Variants in LTA4H observed in about 807,000 individuals in gnomAD.
The protein encoded by LTA4H is leukotriene A4 hydrolase.
Under a neutral mutation model 89.8 loss-of-function variants are expected in LTA4H, and 59 were observed. The ratio of observed to expected loss-of-function variants is 0.66; its 90% CI spans 0.53 to 0.82. The LOEUF (loss-of-function observed/expected upper bound fraction) is 0.82. Among genes scored for constraint, LTA4H ranks in the 40% least tolerant of loss-of-function variants. The pLI, the probability that LTA4H is intolerant of heterozygous loss-of-function variation, is 0.00. For missense variants in LTA4H, 617 were observed against 727.0 expected (o/e 0.85, Z 1.74); for synonymous variants, 227 against 253.1 (o/e 0.90, Z 0.98).
intron 8 of LTA4H, among the ~76,000 whole-genome samples, 157 bp from the exon 9 acceptor site, chr12:96,017,737 CA>C (rs1429473782): frequency 1.3e-5 from 2 of 151,594 alleles, no homozygotes; most frequent in East Asian, 1.9e-4. Context: ...ATTGAAAAAA[CA>C]AAAAAAATAC....
intron 8 of LTA4H, among the ~76,000 whole-genome samples, chr12:96,018,178 G>T (rs763878226): frequency 1.3e-4 from 19 of 151,960 alleles, no homozygotes; most frequent in Non-Finnish European, 2.5e-4. Context: ...TTGTTACACA[G>T]CACCCCCATG....
chr12:96,009,890 A>C (rs1365813796), intron 14 of LTA4H: 1 of 152,216 alleles, frequency 6.6e-6, no homozygotes, highest in East Asian at 1.9e-4. Context: ...AAATGAAGTA[A>C]GTTTTGATTA....
chr12:96,041,172 AATATT>A (rs1484137754), intron 1 of LTA4H, among the ~76,000 whole-genome samples: 2 of 152,098 alleles, frequency 1.3e-5, no homozygotes, highest in Admixed American at 6.6e-5. Flanking sequence ...AGTATATTAT[AATATT>A]ATATTTGTAT....
chr12:96,001,589 TTAATCAAGATTTTAA>T (rs1950104495), intron 18 of LTA4H, among the ~76,000 whole-genome samples: 1 of 152,186 alleles, frequency 6.6e-6, no homozygotes, highest in Non-Finnish European at 1.5e-5. Context: ...AAAAAATTTT[TTAATCAAGATTTTAA>T]GAGTATGAAA....
At chr12:96,038,436 A>G (rs1349972651), upstream of LTA4H, among the ~76,000 whole-genome samples, 1 of 152,160 alleles carries the variant, frequency 6.6e-6, no homozygotes, top group Non-Finnish European at 1.5e-5. Flanking sequence ...GGCTGGATAC[A>G]GTGGCATGAT....
Position 96,035,573 on chromosome 12 carries a change from G to A in LTA4H, c.-54C>T. The A allele has an allele frequency of 5.9e-6, 9 of 1,538,386 alleles. No individual in the cohort carries two copies. Among genetic ancestry groups the A allele is most frequent in the Non-Finnish European group, 7.9e-6 (9 of 1,133,956 alleles). ...CCTACAGCCCAACGCTCAGCTACCA[G>A]ACTCGTCGATAGAGAACCTGAGGAG... On this transcript the variant is annotated 5_prime_UTR_variant, in exon 1 of 19. Coordinates refer to ENST00000228740, the MANE Select transcript of LTA4H (RefSeq NM_000895.3).
intron 17 of LTA4H, 84 bp from the exon 18 acceptor site, chr12:96,003,148 T>A: frequency 1.2e-6 from 1 of 831,908 alleles, no homozygotes; most frequent in Non-Finnish European, 2.0e-6. Context: ...ATTACTTCTG[T>A]AGTGATATGA....
chr12:96,028,217 A>G (rs1439061477), intron 2 of LTA4H, among the ~76,000 whole-genome samples: 1 of 152,198 alleles, frequency 6.6e-6, no homozygotes, highest in Non-Finnish European at 1.5e-5. Flanking sequence ...GCAGAGGTTT[A>G]GAGACCAGCA....
rs1168736247 is a variant in LTA4H, at chr12:96,034,529, G to T, written c.159+832C>A. Among the ~76,000 whole-genome samples, 4 of 152,150 alleles carry T rather than the reference G, an allele frequency of 2.6e-5. 1 individual carries two copies. The highest frequency in any genetic ancestry group is 1.5e-5 in the Non-Finnish European group (1 of 68,022). ...CTCCTTGGAACCAACTATTAAAAAA[G>T]CGTATTGAATCATCCTTAGAAAATT... On this transcript the variant is annotated intron_variant, in intron 1 of 18. Coordinates refer to ENST00000228740, the MANE Select transcript of LTA4H (RefSeq NM_000895.3).
Position 96,022,035 on chromosome 12 carries a change from G to A in LTA4H, c.585+112C>T. On this transcript the variant is annotated intron_variant, in intron 5 of 18. Transcript: ENST00000228740. This position sits in a 1 kb window ranked among gnomAD's most constrained non-coding sequence, Gnocchi z 4.0. ...AAAATGAAGAAAACAAAAACCAAAA[G>A]CTGTTCTCAAAATTCTGAAATATTT... 3.0e-6 allele frequency: 2 copies of A among 664,746 alleles called. No individual in the cohort carries two copies. The highest frequency in any genetic ancestry group is 1.9e-5 in the South Asian group (1 of 52,710). The allele number at this position is 664,746 out of a possible 1,614,324, so 41.2% of individuals were successfully genotyped here. A position where few individuals can be genotyped will look rare whatever the true frequency, so the allele number is the denominator to read the frequency against.
chr12:96,034,442 T>G (rs1183146277), intron 1 of LTA4H, among the ~76,000 whole-genome samples: 1 of 152,240 alleles, frequency 6.6e-6, no homozygotes, highest in East Asian at 1.9e-4. Flanking sequence ...ACAACCTTTC[T>G]TCATTCCAAT....
intron 15 of LTA4H, 62 bp downstream of exon 15, chr12:96,009,032 C>T: frequency 8.1e-7 from 1 of 1,229,930 alleles, no homozygotes; most frequent in East Asian, 2.3e-5. Flanking sequence ...CTCCCTGCTT[C>T]ATGAGTAAAG....
At chr12:96,015,958 T>C (rs986788837) in intron 10 of LTA4H, among the ~76,000 whole-genome samples, 1 of 152,192 alleles carries the variant, frequency 6.6e-6, no homozygotes, top group African/African-American at 2.4e-5. Context: ...GGAATTAAAC[T>C]TAACACCTAG....
chr12:96,013,687 C>A (rs1950336533), intron 13 of LTA4H, 63 bp downstream of exon 13: 2 of 848,274 alleles, frequency 2.4e-6, no homozygotes, highest in South Asian at 1.5e-5. Context: ...ACAAGTTAAC[C>A]TAATCAGTCA....
chr12:96,004,616 G>A (rs968575136), intron 16 of LTA4H, among the ~76,000 whole-genome samples: 3 of 152,196 alleles, frequency 2.0e-5, no homozygotes, highest in African/African-American at 4.8e-5. Flanking sequence ...TGTAGTGCCT[G>A]TGAGAGGCAG....
chr12:96,033,747 C>A (rs1950602400), intron 1 of LTA4H, among the ~76,000 whole-genome samples: 1 of 152,136 alleles, frequency 6.6e-6, no homozygotes, highest in Non-Finnish European at 1.5e-5. Flanking sequence ...GTGATGTTCC[C>A]CTCCCTGTGT....
intron 3 of LTA4H, 109 bp from the exon 4 acceptor site, chr12:96,024,656 C>T (rs1430704947): frequency 4.5e-5 from 30 of 670,304 alleles, no homozygotes; most frequent in Non-Finnish European, 7.0e-5. Flanking sequence ...AAAAACAGTC[C>T]TCATTTCTTG....
chr12:96,007,521 A>G (rs1277167082), intron 15 of LTA4H, among the ~76,000 whole-genome samples: 1 of 152,200 alleles, frequency 6.6e-6, no homozygotes, highest in African/African-American at 2.4e-5. Context: ...GGGTCACACA[A>G]TTGTTTTATA....
chr12:96,031,814 A>G (rs1008430584), intron 1 of LTA4H, among the ~76,000 whole-genome samples: 10 of 152,176 alleles, frequency 6.6e-5, no homozygotes, highest in African/African-American at 1.2e-4. Flanking sequence ...CTTATACTAT[A>G]TATGTTGCTT....
Sources: allele counts gnomAD v4.1 joint callset (sites outside exome capture counted in the v4.1 genomes callset), GRCh38; gene constraint gnomAD v4.1.1; non-coding constraint Gnocchi (gnomAD v3.1); transcripts MANE v1.5; gene names NCBI Gene and HGNC (gene_info 2026-07-23, HGNC 2026-07-21).